ATP8A2: variants seen among roughly 807,000 people sequenced by gnomAD.
ATP8A2 encodes ATPase phospholipid transporting 8A2.
ATP8A2 carries 100 observed loss-of-function variants against 165.6 expected under a neutral mutation model. The ratio of observed to expected loss-of-function variants is 0.60; its 90% CI spans 0.51 to 0.71. The LOEUF (loss-of-function observed/expected upper bound fraction) is 0.71, where lower values mean the gene tolerates loss of function less well. Ranked by LOEUF, ATP8A2 falls within the 30% of genes least tolerant of loss-of-function variation. The pLI is 0.00. For missense variants in ATP8A2, 1,227 were observed against 1,479.5 expected, an observed-to-expected ratio of 0.83 and a Z score of 2.80; for synonymous variants, 543 against 548.8, an observed-to-expected ratio of 0.99 and a Z score of 0.15.
At chr13:25,429,798 G>T (rs1446440403) in intron 1 of ATP8A2, among the ~76,000 whole-genome samples, 2 of 152,180 alleles carry the variant, frequency 1.3e-5, no homozygotes, top group Non-Finnish European at 2.9e-5. Context: ...GGAGGCCACA[G>T]CATTGGGCAG....
At chr13:25,997,108 C>T (rs9512013) in intron 35 of ATP8A2, among the ~76,000 whole-genome samples, 12,509 of 152,306 alleles carry the variant, frequency 0.082, 519 homozygotes, top group South Asian at 0.12. Context: ...TGTGAGCCAC[C>T]GTGCCCCCAC....
intron 33 of ATP8A2, among the ~76,000 whole-genome samples, chr13:25,914,557 C>T (rs1374054500): frequency 6.6e-6 from 1 of 152,068 alleles, no homozygotes; most frequent in Non-Finnish European, 1.5e-5. Flanking sequence ...TGTTTCCATC[C>T]CTCCTCTCCT....
chr13:25,771,938 T>G (rs9511921), intron 26 of ATP8A2, among the ~76,000 whole-genome samples: 80,696 of 152,010 alleles, frequency 0.53, 21,844 homozygotes, highest in South Asian at 0.62. Flanking sequence ...TTAATGTGGA[T>G]GCATTTTTTT....
Position 25,853,626 on chromosome 13 carries a change from A to G in ATP8A2, c.2957-6569A>G, listed in dbSNP as rs1378030341. The stretch of plus-strand genomic sequence containing the variant: ...ATTTTGACTTTCAGCTTAGTCTCCC[A>G]TGCCTGCTAACCCTTTTGTCTGATC... On this transcript the variant is annotated intron_variant, in intron 30 of 36. Transcript: ENST00000381655. 3.9e-5 allele frequency among the ~76,000 whole-genome samples: 6 copies of G among 152,122 alleles called. No individual in the cohort carries two copies. The East Asian group carries it at 5.8e-4, about 15-fold the overall frequency.
chr13:25,481,817 G>A (rs1163818912), intron 2 of ATP8A2, among the ~76,000 whole-genome samples: 1 of 152,162 alleles, frequency 6.6e-6, no homozygotes, highest in Non-Finnish European at 1.5e-5. Flanking sequence ...AAGAGCGAGA[G>A]TGAAGGAGAG....
chr13:25,878,696 G>A (rs558549427), intron 33 of ATP8A2, among the ~76,000 whole-genome samples: 1 of 151,964 alleles, frequency 6.6e-6, no homozygotes, highest in Non-Finnish European at 1.5e-5. Flanking sequence ...ATTTTACCCA[G>A]CCCCTATTCA....
At chr13:25,505,614 C>T (rs2037011676) in intron 2 of ATP8A2, among the ~76,000 whole-genome samples, 1 of 152,106 alleles carries the variant, frequency 6.6e-6, no homozygotes, top group South Asian at 2.1e-4. Flanking sequence ...TATTATAGTT[C>T]CAAATCTGTA....
chr13:25,943,725 T>C (rs1421918954), intron 33 of ATP8A2, among the ~76,000 whole-genome samples: 1 of 152,252 alleles, frequency 6.6e-6, no homozygotes. Context: ...ATCCCAACTT[T>C]AATGGGACTT....
chr13:25,716,637 G>A (rs1032446707), intron 25 of ATP8A2, among the ~76,000 whole-genome samples: 4 of 152,208 alleles, frequency 2.6e-5, no homozygotes, highest in Non-Finnish European at 4.4e-5. Context: ...TGTCAGCAGG[G>A]TGTGAAGGGT....
intron 26 of ATP8A2, among the ~76,000 whole-genome samples, chr13:25,773,345 C>T (rs1407504667): frequency 6.6e-6 from 1 of 152,158 alleles, no homozygotes; most frequent in African/African-American, 2.4e-5. Context: ...TATGCCAGAG[C>T]AGGACACCAC....
intron 2 of ATP8A2, among the ~76,000 whole-genome samples, chr13:25,494,092 G>T (rs2036602844): frequency 6.6e-6 from 1 of 152,126 alleles, no homozygotes; most frequent in Non-Finnish European, 1.5e-5. Context: ...AGTTTGAGGA[G>T]AGAGAACGGT....
intron 25 of ATP8A2, among the ~76,000 whole-genome samples, chr13:25,732,647 T>C (rs1157081946): frequency 6.6e-6 from 1 of 152,202 alleles, no homozygotes; most frequent in Non-Finnish European, 1.5e-5. Context: ...GTGATGTACT[T>C]CAGCTTGTCT....
chr13:25,707,000 C>T (rs1266243276), intron 25 of ATP8A2, among the ~76,000 whole-genome samples: 2 of 152,054 alleles, frequency 1.3e-5, no homozygotes, highest in East Asian at 3.9e-4. Context: ...TTCTTCAGCA[C>T]CATCTTGGAA....
chr13:25,710,047 A>G (rs2043129036), intron 25 of ATP8A2, among the ~76,000 whole-genome samples: 1 of 152,186 alleles, frequency 6.6e-6, no homozygotes, highest in South Asian at 2.1e-4. Context: ...TCTCAAGCTC[A>G]AGATTTCTTT....
chr13:25,703,816 A>G (rs913608973), intron 25 of ATP8A2, among the ~76,000 whole-genome samples: 4 of 152,190 alleles, frequency 2.6e-5, no homozygotes, highest in Admixed American at 6.5e-5. Context: ...CTCAGTGGGC[A>G]TGGGATTTCC....
chr13:25,937,362 C>CTTTTTTTTTTTT (rs1555293658), intron 33 of ATP8A2, among the ~76,000 whole-genome samples: 9 of 38,796 alleles, frequency 2.3e-4, no homozygotes, highest in African/African-American at 5.4e-4. Context: ...TTCTTTCTTT[C>CTTTTTTTTTTTT]TTTTTTTTTT....
At chr13:25,632,357 T>C (rs1290721051) in intron 24 of ATP8A2, among the ~76,000 whole-genome samples, 2 of 152,060 alleles carry the variant, frequency 1.3e-5, no homozygotes, top group African/African-American at 2.4e-5. Flanking sequence ...GGGCTGGAAG[T>C]CCCAACTCTC....
chr13:25,795,456 A>T (rs1950481704), intron 27 of ATP8A2, among the ~76,000 whole-genome samples: 2 of 152,232 alleles, frequency 1.3e-5, no homozygotes, highest in Non-Finnish European at 2.9e-5. Flanking sequence ...AAATTTCTTT[A>T]GGATGACAGA....
chr13:26,016,195 A>C (rs1393055031), intron 36 of ATP8A2, among the ~76,000 whole-genome samples: 1 of 152,256 alleles, frequency 6.6e-6, no homozygotes, highest in Non-Finnish European at 1.5e-5. Flanking sequence ...GGTTAAGGTT[A>C]AGAAAGTCTT....
Sources: gnomAD v4.1 joint callset for allele counts (sites outside exome capture counted in the v4.1 genomes callset) on GRCh38, gnomAD v4.1.1 for gene constraint, MANE v1.5 for transcripts, NCBI Gene and HGNC (gene_info 2026-07-23, HGNC 2026-07-21) for gene names.